The following ADK variants were observed in gnomAD, a reference collection of about 807,000 sequenced individuals.
The protein encoded by ADK is adenosine kinase.
In ADK, 24 loss-of-function variants were observed where a neutral mutation model predicts 44.7. That is an observed-to-expected ratio of 0.54 (90% CI 0.39 to 0.76). The LOEUF (loss-of-function observed/expected upper bound fraction) is 0.76. Among genes scored for constraint, ADK ranks in the 30% least tolerant of loss-of-function variants. ADK has a pLI of 0.00. For missense variants in ADK, 321 were observed against 425.1 expected (o/e 0.76, Z 2.15); for synonymous variants, 128 against 142.6 (o/e 0.90, Z 0.73).
At chr10:74,177,512 A>G (rs761616385) in intron 1 of ADK, among the ~76,000 whole-genome samples, 12 of 152,022 alleles carry the variant, frequency 7.9e-5, no homozygotes, top group Non-Finnish European at 1.3e-4. Context: ...CTTTCCCCCA[A>G]TTGCTCTTCC....
chr10:74,429,560 A>G (rs920900973), intron 6 of ADK, among the ~76,000 whole-genome samples: 1 of 152,216 alleles, frequency 6.6e-6, no homozygotes. Flanking sequence ...AAAAATATCT[A>G]TCAGTTCTTT....
At chr10:74,573,193 C>T (rs1379477102) in intron 7 of ADK, among the ~76,000 whole-genome samples, 7 of 151,926 alleles carry the variant, frequency 4.6e-5, no homozygotes, top group Non-Finnish European at 1.5e-5. Context: ...TGTGGATGTC[C>T]TTTCTGTTTG....
intron 10 of ADK, among the ~76,000 whole-genome samples, chr10:74,707,780 A>G (rs910523379): frequency 9.9e-5 from 15 of 150,882 alleles, no homozygotes; most frequent in African/African-American, 3.2e-4. Context: ...AAAAAAAAAA[A>G]GGAAGACCAG....
At chr10:74,573,526 C>T (rs1020704759) in intron 7 of ADK, among the ~76,000 whole-genome samples, 4 of 152,210 alleles carry the variant, frequency 2.6e-5, no homozygotes, top group Admixed American at 6.5e-5. Flanking sequence ...AACCACTGCT[C>T]TCTTCAAAGC....
At chr10:74,471,990 T>A (rs1241129931) in intron 6 of ADK, among the ~76,000 whole-genome samples, 1 of 152,174 alleles carries the variant, frequency 6.6e-6, no homozygotes, top group Admixed American at 6.5e-5. Flanking sequence ...CTTGTATGCC[T>A]CCTATTTCCT....
chr10:74,531,713 G>A (rs1460618215), intron 7 of ADK, among the ~76,000 whole-genome samples: 2 of 152,004 alleles, frequency 1.3e-5, no homozygotes, highest in African/African-American at 2.4e-5. Context: ...TTTAATTTTT[G>A]TAGAGAGGAG....
At chr10:74,209,425 A>G (rs772453904) in intron 2 of ADK, among the ~76,000 whole-genome samples, 26 of 152,242 alleles carry the variant, frequency 1.7e-4, no homozygotes, top group Admixed American at 6.5e-4. Context: ...ACAAAATAAG[A>G]AAAATAAAAC....
intron 1 of ADK, among the ~76,000 whole-genome samples, chr10:74,156,282 C>T (rs1267302011): frequency 6.6e-6 from 1 of 152,000 alleles, no homozygotes; most frequent in Admixed American, 6.5e-5. Flanking sequence ...GGCTGATGTG[C>T]TGCTTTTTTT....
chr10:74,504,349 A>G lies in ADK; in HGVS notation c.556-20907A>G, dbSNP rs4561146. Among the ~76,000 whole-genome samples, 145 of 151,796 alleles carry G rather than the reference A, an allele frequency of 9.6e-4. 1 individual carries two copies. The highest frequency in any genetic ancestry group is 3.4e-3 in the African/African-American group (141 of 41,406). On this transcript the variant is annotated intron_variant, in intron 6 of 10. Coordinates refer to ENST00000539909, the MANE Select transcript of ADK (RefSeq NM_006721.4). The stretch of plus-strand genomic sequence containing the variant: ...CAGTATTCCATAAGCATACATATTC[A>G]TTTAGTAAATACAGTTAACCCTTGA...
intron 1 of ADK, among the ~76,000 whole-genome samples, chr10:74,196,914 C>A (rs1843174351): frequency 6.6e-6 from 1 of 152,172 alleles, no homozygotes; most frequent in African/African-American, 2.4e-5. Context: ...TCATTAATGA[C>A]CTGGTTTCTT....
chr10:74,440,334 T>G (rs1304929661), intron 6 of ADK, among the ~76,000 whole-genome samples: 1 of 152,112 alleles, frequency 6.6e-6, no homozygotes, highest in Non-Finnish European at 1.5e-5. Context: ...TTGGCTAAAA[T>G]TCACCTGGCT....
intron 2 of ADK, among the ~76,000 whole-genome samples, chr10:74,220,868 C>T (rs1844278594): frequency 6.6e-6 from 1 of 152,004 alleles, no homozygotes. Flanking sequence ...TGGGACATAT[C>T]TCAAAATAAT....
At chr10:74,541,612 A>G (rs1166118151) in intron 7 of ADK, among the ~76,000 whole-genome samples, 1 of 152,138 alleles carries the variant, frequency 6.6e-6, no homozygotes, top group East Asian at 1.9e-4. Context: ...CCTGGGCAAC[A>G]TAGCAAGATG....
intron 7 of ADK, among the ~76,000 whole-genome samples, chr10:74,576,798 A>G (rs1380376205): frequency 6.6e-6 from 1 of 152,126 alleles, no homozygotes; most frequent in Non-Finnish European, 1.5e-5. Context: ...TGTGTTGTTG[A>G]TACCCAAGCA....
At chr10:74,610,577 T>C (rs138394650) in intron 9 of ADK, among the ~76,000 whole-genome samples, 170 of 152,304 alleles carry the variant, frequency 1.1e-3, no homozygotes, top group Non-Finnish European at 1.8e-3. Context: ...TGTATATTTT[T>C]ATTTTTTAAG....
chr10:74,195,987 A>G (rs1161169744), intron 1 of ADK, among the ~76,000 whole-genome samples: 1 of 151,452 alleles, frequency 6.6e-6, no homozygotes, highest in Admixed American at 6.6e-5. Flanking sequence ...AATTTTTTGT[A>G]GAGATGGAGT....
chr10:74,205,675 C>CAAAAAAAAAAAAAA (rs11419041), intron 2 of ADK, among the ~76,000 whole-genome samples: 1 of 85,350 alleles, frequency 1.2e-5, no homozygotes, highest in Non-Finnish European at 2.2e-5. Flanking sequence ...GAATCTGTCT[C>CAAAAAAAAAAAAAA]AAAAAAAAAA....
At chr10:74,465,116 G>A (rs1233834059) in intron 6 of ADK, among the ~76,000 whole-genome samples, 3 of 152,070 alleles carry the variant, frequency 2.0e-5, no homozygotes, top group Non-Finnish European at 2.9e-5. Flanking sequence ...TTCAGGTCTA[G>A]CATGAAAGGT....
chr10:74,597,432 G>GT (rs1483470292), intron 8 of ADK, among the ~76,000 whole-genome samples: 2 of 152,076 alleles, frequency 1.3e-5, no homozygotes, highest in Admixed American at 6.6e-5. Flanking sequence ...GGTTTCAACC[G>GT]TTTTTTCTCT....
Sources: gnomAD v4.1 joint callset for allele counts (sites outside exome capture counted in the v4.1 genomes callset) on GRCh38, gnomAD v4.1.1 for gene constraint, MANE v1.5 for transcripts, NCBI Gene and HGNC (gene_info 2026-07-23, HGNC 2026-07-21) for gene names.